The following SLC2A9 variants were observed in gnomAD, a reference collection of about 807,000 sequenced individuals.
SLC2A9 encodes solute carrier family 2, facilitated glucose transporter member 9.
A neutral mutation model predicts 50.6 loss-of-function variants in SLC2A9; 39 were observed. The observed-to-expected ratio is 0.77, with a 90% CI of 0.60 to 1.01. SLC2A9 has a LOEUF of 1.01. Among genes scored for constraint, SLC2A9 ranks in the 50% least tolerant of loss-of-function variants. SLC2A9 has a pLI of 0.00. For synonymous variants in SLC2A9, 324 were observed against 276.9 expected, an observed-to-expected ratio of 1.17 and a Z score of -1.69; for missense variants, 686 against 677.6, an observed-to-expected ratio of 1.01 and a Z score of -0.14.
At chr4:9,810,590 A>T (rs1264053061) in intron 3 of SLC2A9, among the ~76,000 whole-genome samples, 1 of 152,212 alleles carries the variant, frequency 6.6e-6, no homozygotes, top group Non-Finnish European at 1.5e-5. Context: ...GCATTTACTA[A>T]TTTTTGCTGC....
chr4:9,843,410 G>A (rs1280342376), intron 10 of SLC2A9, among the ~76,000 whole-genome samples: 2 of 152,134 alleles, frequency 1.3e-5, no homozygotes, highest in Non-Finnish European at 2.9e-5. Context: ...AGAACATGGG[G>A]TGGAGGTCCC....
At chr4:9,962,235 A>G (rs556615151) in intron 5 of SLC2A9, among the ~76,000 whole-genome samples, 2 of 152,386 alleles carry the variant, frequency 1.3e-5, no homozygotes, top group Admixed American at 1.3e-4. Flanking sequence ...CCAAATGAAT[A>G]TAAATCATTC....
At chr4:9,824,725 T>C (rs991689718), downstream of SLC2A9, among the ~76,000 whole-genome samples, 8 of 152,232 alleles carry the variant, frequency 5.3e-5, no homozygotes, top group African/African-American at 1.9e-4. Flanking sequence ...TTGTCTATGA[T>C]AGGTACCTAA....
intron 5 of SLC2A9, among the ~76,000 whole-genome samples, chr4:9,942,637 A>G (rs553892676): frequency 1.1e-3 from 163 of 152,286 alleles, no homozygotes; most frequent in African/African-American, 3.9e-3. Context: ...CCAGCTATGA[A>G]AGGCAAACAG....
chr4:9,899,433 T>C (rs1221703286), intron 8 of SLC2A9, among the ~76,000 whole-genome samples: 2 of 152,218 alleles, frequency 1.3e-5, no homozygotes, highest in African/African-American at 4.8e-5. Context: ...GTTTTAAACA[T>C]GCAAAGGCTA....
intron 10 of SLC2A9, among the ~76,000 whole-genome samples, chr4:9,846,546 C>G (rs949271988): frequency 1.3e-5 from 2 of 152,186 alleles, no homozygotes; most frequent in African/African-American, 4.8e-5. Flanking sequence ...CTGCTGACCA[C>G]CAGGTGAGAG....
At chr4:10,025,486 G>A (rs1763719304), upstream of SLC2A9, among the ~76,000 whole-genome samples, 1 of 150,786 alleles carries the variant, frequency 6.6e-6, no homozygotes, top group African/African-American at 2.5e-5. Context: ...GTCCCAAGAA[G>A]AAAGAAAGTC....
intron 10 of SLC2A9, among the ~76,000 whole-genome samples, chr4:9,837,802 T>A (rs1209588378): frequency 6.6e-6 from 1 of 152,160 alleles, no homozygotes; most frequent in East Asian, 1.9e-4. Context: ...TAAGCAACCA[T>A]GAGGAGCCTG....
chr4:9,922,839 T>G (rs1283017416), intron 6 of SLC2A9: 1 of 152,526 alleles, frequency 6.6e-6, no homozygotes, highest in Non-Finnish European at 1.5e-5. Context: ...AACCCAAACC[T>G]GCACCAAGGA....
intron 1 of SLC2A9, among the ~76,000 whole-genome samples, chr4:10,020,080 C>T (rs1469692458): frequency 1.4e-5 from 2 of 138,284 alleles, no homozygotes; most frequent in Admixed American, 7.2e-5. Flanking sequence ...GTGTTGTAGG[C>T]GCCAGGCCCT....
intron 10 of SLC2A9, among the ~76,000 whole-genome samples, chr4:9,852,062 A>G (rs1393892770): frequency 6.6e-6 from 1 of 152,192 alleles, no homozygotes; most frequent in Non-Finnish European, 1.5e-5. Flanking sequence ...GATACTATAT[A>G]AGATGAACAT....
Position 9,844,165 on chromosome 4 carries a change from AT to A in SLC2A9, c.1292-9158del, listed in dbSNP as rs1189275683. 8.6e-3 allele frequency among the ~76,000 whole-genome samples: 408 copies of A among 47,396 alleles called. 47 individuals are homozygous for A. Among genetic ancestry groups the A allele is most frequent in the African/African-American group, 0.049 (357 of 7,344 alleles). The allele number at this position is 47,396 out of a possible 152,430, so 31.1% of individuals were successfully genotyped here. ...CAGATTTAGTAAAAAAAAAATAATA[AT>A]AAAAAAAAAAAAAAGTCCTTCTGAC... On this transcript the variant is annotated intron_variant, in intron 10 of 11. Coordinates refer to ENST00000264784, the MANE Select transcript of SLC2A9 (RefSeq NM_020041.3).
At chr4:9,850,481 C>T in intron 10 of SLC2A9, among the ~76,000 whole-genome samples, 1 of 152,128 alleles carries the variant, frequency 6.6e-6, no homozygotes, top group East Asian at 1.9e-4. Context: ...TCTGAATGCC[C>T]CCCATCTGCT....
chr4:9,885,992 C>T lies in SLC2A9; in HGVS notation c.1291+1575G>A, dbSNP rs142484452. Among the ~76,000 whole-genome samples the T allele has an allele frequency of 4.4e-3, 667 of 152,300 alleles. 6 individuals are homozygous for T. Among genetic ancestry groups the T allele is most frequent in the African/African-American group, 0.015 (641 of 41,582 alleles). ...AATGAGTACGCAGGAAACCAACATG[C>T]CTGTGAACAATGCTATGATGGGTGA... On this transcript the variant is annotated intron_variant, in intron 10 of 11. Transcript: ENST00000264784.
chr4:9,909,598 G>A (rs373996271), intron 7 of SLC2A9, among the ~76,000 whole-genome samples: 3 of 152,310 alleles, frequency 2.0e-5, no homozygotes, highest in East Asian at 1.9e-4. Flanking sequence ...CCAGTCAAAT[G>A]AACATGACCA....
chr4:9,937,149 A>C (rs7670751), intron 6 of SLC2A9, among the ~76,000 whole-genome samples: 49,539 of 152,030 alleles, frequency 0.33, 9,419 homozygotes, highest in African/African-American at 0.51. Flanking sequence ...GCAAAACCCT[A>C]AGCAATTCTC....
At chr4:9,804,321 C>T (rs61404533) in intron 3 of SLC2A9, among the ~76,000 whole-genome samples, 125 of 152,310 alleles carry the variant, frequency 8.2e-4, no homozygotes, top group African/African-American at 2.9e-3. Context: ...GGTCAACACA[C>T]ATGTAGAGTT....
rs184011340 is a variant in SLC2A9 at position 9,838,972 on chromosome 4, G to A, written c.1292-3964C>T. ...AGATTTCATGACGAGAACACCAAAAGCAATTGCAACAAAAGCAAAAATTGA... is the reference window on the plus strand; with the variant it reads ...AGATTTCATGACGAGAACACCAAAAACAATTGCAACAAAAGCAAAAATTGA... On this transcript the variant is annotated intron_variant, in intron 10 of 11. Coordinates refer to ENST00000264784, the MANE Select transcript of SLC2A9 (RefSeq NM_020041.3). 2.0e-5 allele frequency among the ~76,000 whole-genome samples: 3 copies of A among 152,062 alleles called. No individual in the cohort carries two copies. The East Asian group carries it at 5.8e-4, about 29-fold the overall frequency.
intron 10 of SLC2A9, among the ~76,000 whole-genome samples, chr4:9,883,165 A>G (rs1325578590): frequency 6.6e-6 from 1 of 152,096 alleles, no homozygotes; most frequent in Non-Finnish European, 1.5e-5. Context: ...ACATACACAG[A>G]TTTGAAAATC....
Sources: allele counts gnomAD v4.1 joint callset (sites outside exome capture counted in the v4.1 genomes callset), GRCh38; gene constraint gnomAD v4.1.1; transcripts MANE v1.5; gene names NCBI Gene and HGNC (gene_info 2026-07-23, HGNC 2026-07-21).